Variants in GLYATL2 observed in about 807,000 individuals in gnomAD.
GLYATL2 encodes the protein glycine N-acyltransferase-like protein 2.
Under a neutral mutation model 21.4 loss-of-function variants are expected in GLYATL2, and 25 were observed. The observed-to-expected ratio is 1.17, with a 90% CI of 0.85 to 1.63. The LOEUF (loss-of-function observed/expected upper bound fraction) is 1.63. Among genes scored for constraint, GLYATL2 ranks in the 40% most tolerant of loss-of-function variants. GLYATL2 has a pLI of 0.00. For missense variants in GLYATL2, 361 were observed against 343.3 expected, an observed-to-expected ratio of 1.05 and a Z score of -0.41; for synonymous variants, 114 against 118.2, an observed-to-expected ratio of 0.96 and a Z score of 0.23.
chr11:58,908,749 C>G (rs919645908), upstream of GLYATL2, among the ~76,000 whole-genome samples: 3 of 152,094 alleles, frequency 2.0e-5, no homozygotes, highest in Non-Finnish European at 4.4e-5. Context: ...ATAAACATGT[C>G]TTAAGACAAC....
chr11:58,889,614 CT>C (rs376575382), intron 1 of GLYATL2, among the ~76,000 whole-genome samples: 3,066 of 150,342 alleles, frequency 0.02, 50 homozygotes, highest in Non-Finnish European at 0.031. Context: ...TCATTTTTGT[CT>C]TTTTTTTTGG....
intron 5 of GLYATL2, among the ~76,000 whole-genome samples, 156 bp from the exon 6 acceptor site, chr11:58,834,993 A>G (rs1395944685): frequency 6.6e-6 from 1 of 152,212 alleles, no homozygotes; most frequent in Non-Finnish European, 1.5e-5. Flanking sequence ...CCGCTTCAAA[A>G]TGTTTCCAAA....
At chr11:58,872,566 G>C (rs990111689) in intron 1 of GLYATL2, among the ~76,000 whole-genome samples, 2 of 152,174 alleles carry the variant, frequency 1.3e-5, no homozygotes, top group African/African-American at 4.8e-5. Flanking sequence ...GCTTGTTCTT[G>C]TCAGGTTTGT....
In GLYATL2 at chr11:58,868,851, A is replaced by C. The variant is rs1854065625; in HGVS notation, n.61-30483T>G. 1.3e-5 allele frequency among the ~76,000 whole-genome samples: 2 copies of C among 149,208 alleles called. 1 individual carries two copies. Among genetic ancestry groups the C allele is most frequent in the Admixed American group, 1.4e-4 (2 of 14,526 alleles). ...GTGACTGTCATTTGTGGGCCCAGAC[A>C]GAAGGCTCTGCTCCTCTAAATTTGG... is the stretch of plus-strand genomic sequence containing the variant. On this transcript the variant is annotated intron_variant and non_coding_transcript_variant, in intron 1 of 4. Coordinates refer to the GLYATL2 transcript ENST00000533636.
intron 1 of GLYATL2, among the ~76,000 whole-genome samples, chr11:58,881,687 A>C (rs1483432782): frequency 1.3e-5 from 2 of 152,172 alleles, no homozygotes; most frequent in Non-Finnish European, 2.9e-5. Context: ...TGCTGCACCC[A>C]TTAACTCATC....
At chr11:58,902,635 C>A (rs1420595993) in intron 1 of GLYATL2, among the ~76,000 whole-genome samples, 1 of 152,180 alleles carries the variant, frequency 6.6e-6, no homozygotes, top group Non-Finnish European at 1.5e-5. Context: ...GTGCTTGATC[C>A]ATTCCCACCT....
intron 1 of GLYATL2, chr11:58,893,391 C>T (rs1245451704): frequency 4.4e-5 from 10 of 227,310 alleles, no homozygotes; most frequent in Non-Finnish European, 8.9e-5. Context: ...TGGTGAAGGT[C>T]GGTTCCTTTG....
At chr11:58,872,667 G>A (rs1011241576) in intron 1 of GLYATL2, among the ~76,000 whole-genome samples, 56 of 152,292 alleles carry the variant, frequency 3.7e-4, no homozygotes, top group African/African-American at 1.1e-3. Context: ...TGCCAGCACC[G>A]TGCTGTTTTG....
chr11:58,838,141 C>G (rs1853473181), intron 3 of GLYATL2, 120 bp downstream of exon 3: 2 of 643,064 alleles, frequency 3.1e-6, no homozygotes, highest in African/African-American at 1.8e-5. Context: ...CCTTCCAAAA[C>G]CTGCATACAT....
In GLYATL2 at chr11:58,844,603, A is replaced by T. The variant is rs1257035871; in HGVS notation, c.-210T>A. The T allele has an allele frequency of 6.6e-6, 1 of 152,208 alleles. No individual in the cohort carries two copies. Among genetic ancestry groups the T allele is most frequent in the South Asian group, 2.1e-4 (1 of 4,828 alleles). The allele number at this position is 152,208 out of a possible 1,614,324, so 9.4% of individuals were successfully genotyped here. A position where few individuals can be genotyped will look rare whatever the true frequency, so the allele number is the denominator to read the frequency against. ...TTCAGGAAGTTATGGGTTCCTGTAG[A>T]TTAAACCAGACGTTCTGTCCATAGA... is the stretch of plus-strand genomic sequence containing the variant. On this transcript the variant is annotated 5_prime_UTR_variant, in exon 1 of 6. Transcript: ENST00000287275.
At chr11:58,899,975 G>T (rs145554628) in intron 1 of GLYATL2, among the ~76,000 whole-genome samples, 2 of 151,802 alleles carry the variant, frequency 1.3e-5, no homozygotes, top group East Asian at 3.9e-4. Context: ...AGAGTCCATC[G>T]AATTGTGTGG....
chr11:58,903,174 G>A (rs1234145274), intron 1 of GLYATL2, among the ~76,000 whole-genome samples: 1 of 152,192 alleles, frequency 6.6e-6, no homozygotes, highest in Non-Finnish European at 1.5e-5. Context: ...CTAGGCTCAA[G>A]GAGCAGGGAA....
chr11:58,902,500 T>C (rs187343124), intron 1 of GLYATL2, among the ~76,000 whole-genome samples: 1 of 152,330 alleles, frequency 6.6e-6, no homozygotes, highest in Admixed American at 6.5e-5. Flanking sequence ...GAACATGTTG[T>C]TTGCAACTCT....
chr11:58,872,949 CTT>C lies in GLYATL2; in HGVS notation n.60+31205_60+31206del, dbSNP rs1854153155. 4.6e-5 allele frequency among the ~76,000 whole-genome samples: 7 copies of C among 152,314 alleles called. No individual in the cohort carries two copies. In the South Asian group the frequency reaches 1.5e-3, roughly 32 times the overall value. ...ATGTTCTTCCATTCGTTTGTATCCTCTTTTATTTCCTTGAGCAGTGGTTTGTA... is the reference window on the plus strand; with the variant it reads ...ATGTTCTTCCATTCGTTTGTATCCTCTTATTTCCTTGAGCAGTGGTTTGTA... On this transcript the variant is annotated intron_variant and non_coding_transcript_variant, in intron 1 of 4. Transcript: ENST00000533636.
Position 58,834,641 on chromosome 11 carries a change from T to C in GLYATL2, c.673A>G (p.Met225Val), listed in dbSNP as rs559662062. The C allele has an allele frequency of 6.2e-7, 1 of 1,613,570 alleles. No homozygotes were observed. The highest frequency in any genetic ancestry group is 1.3e-5 in the African/African-American group (1 of 75,036). Residue 225 changes from methionine (M) to valine (V), a missense_variant, in exon 6 of 6, where the codon ATG becomes GTG. Coordinates refer to ENST00000287275, the MANE Select transcript of GLYATL2 (RefSeq NM_145016.4). ...CTGTATTTGGGGACAGTATAACCCA[T>C]TCTCAACTCACAGGACTGTTCCATC... ...IVMEQSCELR[M>V]GYTVPKYRHQ...
chr11:58,841,078 C>T (rs1023069938), intron 1 of GLYATL2, among the ~76,000 whole-genome samples: 5 of 151,860 alleles, frequency 3.3e-5, no homozygotes, highest in Non-Finnish European at 7.4e-5. Flanking sequence ...TCATATGATA[C>T]TTGAAGACAA....
upstream of GLYATL2, among the ~76,000 whole-genome samples, chr11:58,849,392 T>C (rs566768790): frequency 9.3e-4 from 142 of 152,244 alleles, no homozygotes; most frequent in Non-Finnish European, 1.2e-3. Flanking sequence ...AGTGCTAGGA[T>C]TACAGGCATG....
intron 1 of GLYATL2, among the ~76,000 whole-genome samples, chr11:58,898,036 T>A (rs1854664256): frequency 6.6e-6 from 1 of 152,208 alleles, no homozygotes; most frequent in South Asian, 2.1e-4. Flanking sequence ...ATCCATCAAG[T>A]TCTCTTATTA....
chr11:58,906,448 G>A (rs1854888406), upstream of GLYATL2, among the ~76,000 whole-genome samples: 1 of 152,140 alleles, frequency 6.6e-6, no homozygotes, highest in Admixed American at 6.5e-5. Flanking sequence ...GAATGGAACA[G>A]GAGAGCTCCT....
Sources: gnomAD v4.1 joint callset for allele counts (sites outside exome capture counted in the v4.1 genomes callset) on GRCh38, gnomAD v4.1.1 for gene constraint, MANE v1.5 for transcripts, NCBI Gene and HGNC (gene_info 2026-07-23, HGNC 2026-07-21) for gene names.